The following MAGOH variants were observed in gnomAD, a reference collection of about 807,000 sequenced individuals.
The protein encoded by MAGOH is protein mago nashi homolog.
Under a neutral mutation model 20.9 loss-of-function variants are expected in MAGOH, and 3 were observed. The ratio of observed to expected loss-of-function variants is 0.14; its 90% confidence interval spans 0.07 to 0.37. MAGOH has a LOEUF of 0.37. Ranked by LOEUF, MAGOH falls within the 10% of genes least tolerant of loss-of-function variation. The pLI is 1.00. For missense variants in MAGOH, 66 were observed against 178.1 expected (o/e 0.37, Z 3.58); for synonymous variants, 51 against 61.0 (o/e 0.84, Z 0.76).
At chr1:53,233,933 C>A in intron 2 of MAGOH, 1 of 276,478 alleles carries the variant, frequency 3.6e-6, no homozygotes, top group Non-Finnish European at 6.9e-6. Context: ...CACAACGAAA[C>A]CCAAAACAGG....
intron 1 of MAGOH, among the ~76,000 whole-genome samples, chr1:53,236,476 A>G (rs1390278225): frequency 1.3e-5 from 2 of 152,168 alleles, no homozygotes; most frequent in Non-Finnish European, 2.9e-5. Flanking sequence ...TTCTTCTCTC[A>G]CACAGCTGAA....
At chr1:53,229,436 T>C (rs531558611) in intron 3 of MAGOH, among the ~76,000 whole-genome samples, 1 of 152,130 alleles carries the variant, frequency 6.6e-6, no homozygotes, top group Non-Finnish European at 1.5e-5. Flanking sequence ...GTATTTTTAA[T>C]AGAGACAGGG....
chr1:53,234,750 G>A (rs1227950117), intron 2 of MAGOH, among the ~76,000 whole-genome samples: 1 of 152,168 alleles, frequency 6.6e-6, no homozygotes, highest in African/African-American at 2.4e-5. Context: ...AAAAAATAGT[G>A]AGGATATTGA....
At chr1:53,232,881 A>T (rs919927570) in intron 3 of MAGOH, among the ~76,000 whole-genome samples, 1 of 152,216 alleles carries the variant, frequency 6.6e-6, no homozygotes, top group African/African-American at 2.4e-5. Flanking sequence ...CAGGCGGATC[A>T]CCTGAGGTCA....
chr1:53,231,972 G>C (rs553829089), intron 3 of MAGOH, among the ~76,000 whole-genome samples: 1 of 152,238 alleles, frequency 6.6e-6, no homozygotes, highest in South Asian at 2.1e-4. Flanking sequence ...GCATTCCCAA[G>C]TTCTTTATAA....
At chr1:53,227,694 C>T (rs1484714422) in intron 4 of MAGOH, among the ~76,000 whole-genome samples, 3 of 152,032 alleles carry the variant, frequency 2.0e-5, no homozygotes, top group Admixed American at 6.6e-5. Flanking sequence ...GCATGCACCA[C>T]GCCTGGCTAA....
intron 1 of MAGOH, 119 bp downstream of exon 1, chr1:53,238,242 C>A: frequency 2.3e-6 from 2 of 872,280 alleles, no homozygotes. Context: ...AAGATCTGCA[C>A]TGCACAGGTC....
At chr1:53,233,030 G>A (rs1434895435) in intron 3 of MAGOH, 2 of 152,462 alleles carry the variant, frequency 1.3e-5, no homozygotes, top group Non-Finnish European at 2.9e-5. Flanking sequence ...GAACCCAGGA[G>A]GCAGAGGTTA....
intron 2 of MAGOH, among the ~76,000 whole-genome samples, chr1:53,235,234 G>A (rs1645605475): frequency 6.6e-6 from 1 of 152,168 alleles, no homozygotes; most frequent in South Asian, 2.1e-4. Context: ...GACAGCACTT[G>A]GGAGTGGGAG....
intron 1 of MAGOH, among the ~76,000 whole-genome samples, chr1:53,237,102 C>T (rs1645614337): frequency 6.6e-6 from 1 of 151,714 alleles, no homozygotes; most frequent in East Asian, 2.0e-4. Flanking sequence ...GCGTCTGCCA[C>T]CACACCCGGC....
At chr1:53,229,731 CA>C (rs1645577061) in intron 3 of MAGOH, among the ~76,000 whole-genome samples, 1 of 152,092 alleles carries the variant, frequency 6.6e-6, no homozygotes, top group Non-Finnish European at 1.5e-5. Context: ...CCTGTCTGGG[CA>C]ACTTGGCTAA....
At chr1:53,231,727 C>T (rs914074895) in intron 3 of MAGOH, among the ~76,000 whole-genome samples, 4 of 152,166 alleles carry the variant, frequency 2.6e-5, no homozygotes, top group African/African-American at 9.6e-5. Flanking sequence ...TAAGAAATTT[C>T]CAGTATTATT....
At chr1:53,227,955 T>G (rs12082305) in intron 4 of MAGOH, among the ~76,000 whole-genome samples, 5,341 of 152,166 alleles carry the variant, frequency 0.035, 247 homozygotes, top group East Asian at 0.2. Flanking sequence ...ACGCCCAACA[T>G]TTGCCAAAAG....
At chr1:53,233,430 G>T in intron 3 of MAGOH, 112 bp downstream of exon 3, 1 of 690,974 alleles carries the variant, frequency 1.4e-6, no homozygotes, top group Admixed American at 2.4e-5. Context: ...ACAATGCTTT[G>T]TCCATAGTAG....
At chr1:53,228,445 T>C (rs981172926) in intron 4 of MAGOH, among the ~76,000 whole-genome samples, 4 of 151,802 alleles carry the variant, frequency 2.6e-5, no homozygotes, top group African/African-American at 9.7e-5. Context: ...ATAATAATAA[T>C]AATAAATTTA....
At chr1:53,233,454 T>A (rs80047352) in intron 3 of MAGOH, 88 bp downstream of exon 3, 3 of 813,280 alleles carry the variant, frequency 3.7e-6, no homozygotes, top group East Asian at 2.4e-5. Context: ...GTAAGTGAGA[T>A]AGGCAACAAA....
intron 2 of MAGOH, among the ~76,000 whole-genome samples, chr1:53,234,479 T>C (rs575637984): frequency 6.6e-6 from 1 of 151,256 alleles, no homozygotes; most frequent in East Asian, 1.9e-4. Context: ...GTTCATGCCA[T>C]TCTCCTGCCT....
intron 2 of MAGOH, 62 bp downstream of exon 2, chr1:53,235,515 A>G (rs1169556204): frequency 7.2e-7 from 1 of 1,396,772 alleles, no homozygotes; most frequent in African/African-American, 1.4e-5. Flanking sequence ...AATAAAAACA[A>G]TGCAAGACAA....
intron 3 of MAGOH, among the ~76,000 whole-genome samples, chr1:53,232,154 C>T (rs1285821571): frequency 6.6e-6 from 1 of 152,022 alleles, no homozygotes; most frequent in Non-Finnish European, 1.5e-5. Context: ...TATGATATTA[C>T]TGAGCTCCCT....
Sources: allele counts gnomAD v4.1 joint callset (sites outside exome capture counted in the v4.1 genomes callset), GRCh38; gene constraint gnomAD v4.1.1; transcripts MANE v1.5; gene names NCBI Gene and HGNC (gene_info 2026-07-23, HGNC 2026-07-21).